Variants in TRIQK observed in about 807,000 individuals in gnomAD.
TRIQK encodes triple QxxK/R motif containing.
A neutral mutation model predicts 10.8 loss-of-function variants in TRIQK; 10 were observed. The ratio of observed to expected loss-of-function variants is 0.92; its 90% CI spans 0.57 to 1.57. The LOEUF is 1.57. Ranked by LOEUF, TRIQK falls within the 40% of genes most tolerant of loss-of-function variation. TRIQK has a pLI of 0.00. For missense variants in TRIQK, 107 were observed against 97.7 expected (o/e 1.09, Z -0.40); for synonymous variants, 33 against 33.7 (o/e 0.98, Z 0.07).
At chr8:92,986,291 T>C (rs1199341512) in intron 1 of TRIQK, among the ~76,000 whole-genome samples, 3 of 152,186 alleles carry the variant, frequency 2.0e-5, no homozygotes, top group Non-Finnish European at 4.4e-5. Context: ...TATTATCTTG[T>C]TTCATATTGT....
chr8:92,959,827 C>T (rs139979392), intron 1 of TRIQK, among the ~76,000 whole-genome samples: 2 of 152,146 alleles, frequency 1.3e-5, no homozygotes, highest in East Asian at 1.9e-4. Context: ...AAATCAGGGA[C>T]GGACTGTATA....
At chr8:92,965,666 C>G (rs1226429571) in intron 1 of TRIQK, 2 of 152,442 alleles carry the variant, frequency 1.3e-5, no homozygotes, top group African/African-American at 4.8e-5. Flanking sequence ...CAGCGGCTGG[C>G]GCCAGACACG....
intron 1 of TRIQK, among the ~76,000 whole-genome samples, chr8:92,978,346 G>C (rs1812953120): frequency 6.6e-6 from 1 of 152,092 alleles, no homozygotes; most frequent in Non-Finnish European, 1.5e-5. Flanking sequence ...CATGATACTT[G>C]ATGCCCAGTG....
intron 2 of TRIQK, among the ~76,000 whole-genome samples, chr8:92,935,849 A>G (rs1810962137): frequency 6.6e-6 from 1 of 151,606 alleles, no homozygotes; most frequent in East Asian, 1.9e-4. Context: ...CATTTCTTAA[A>G]AAACAGACTT....
chr8:92,976,631 T>A (rs987473162), intron 1 of TRIQK, among the ~76,000 whole-genome samples: 1 of 152,010 alleles, frequency 6.6e-6, no homozygotes, highest in Non-Finnish European at 1.5e-5. Flanking sequence ...CCATTTATGT[T>A]ACTGTGATTG....
At chr8:92,977,359 T>C (rs749000042) in intron 1 of TRIQK, among the ~76,000 whole-genome samples, 178 of 152,124 alleles carry the variant, frequency 1.2e-3, no homozygotes, top group Non-Finnish European at 1.9e-3. Context: ...TTCATACTTT[T>C]CTCTTTTTTT....
At chr8:92,963,293 C>G (rs1812550493) in intron 1 of TRIQK, among the ~76,000 whole-genome samples, 1 of 152,074 alleles carries the variant, frequency 6.6e-6, no homozygotes, top group African/African-American at 2.4e-5. Context: ...ATATCTACTA[C>G]TGATATCCAC....
At chr8:92,979,521 A>C (rs938622218) in intron 1 of TRIQK, among the ~76,000 whole-genome samples, 1 of 152,080 alleles carries the variant, frequency 6.6e-6, no homozygotes, top group Non-Finnish European at 1.5e-5. Flanking sequence ...AAAAAATCTT[A>C]GTGGTATATG....
chr8:92,973,246 C>T (rs965626781), intron 1 of TRIQK: 2 of 152,166 alleles, frequency 1.3e-5, no homozygotes, highest in Non-Finnish European at 2.9e-5. Context: ...CATATATGAG[C>T]TATGAAATAT....
At chr8:92,909,612 C>T (rs1033977993) in intron 3 of TRIQK, among the ~76,000 whole-genome samples, 1 of 151,744 alleles carries the variant, frequency 6.6e-6, no homozygotes, top group African/African-American at 2.4e-5. Flanking sequence ...CATCATTTAA[C>T]ACCACATTAA....
chr8:93,001,265 C>G (rs1813208281), intron 1 of TRIQK, among the ~76,000 whole-genome samples: 1 of 150,848 alleles, frequency 6.6e-6, no homozygotes. Context: ...TGAGATTGCA[C>G]CACTGCACCC....
intron 1 of TRIQK, chr8:92,964,862 T>C (rs990788549): frequency 3.3e-5 from 5 of 152,296 alleles, no homozygotes; most frequent in Admixed American, 3.3e-4. Flanking sequence ...GACAAACATT[T>C]CTTAACCATG....
intron 1 of TRIQK, among the ~76,000 whole-genome samples, chr8:92,960,070 T>G (rs780302519): frequency 1.1e-4 from 17 of 152,172 alleles, no homozygotes; most frequent in Admixed American, 2.0e-4. Context: ...TAAGTTGTCA[T>G]GCCTTACATA....
chr8:93,003,949 C>T (rs780781580), intron 1 of TRIQK, among the ~76,000 whole-genome samples: 1 of 152,214 alleles, frequency 6.6e-6, no homozygotes, highest in African/African-American at 2.4e-5. Context: ...AGCTCTCTCC[C>T]TGTGGCTTGC....
intron 1 of TRIQK, chr8:92,973,434 G>A (rs1028220016): frequency 4.6e-5 from 7 of 152,196 alleles, no homozygotes; most frequent in African/African-American, 1.7e-4. Context: ...TAACTTCAGA[G>A]AGACTTTGGA....
At chr8:92,888,845 C>G (rs571959955) in intron 4 of TRIQK, among the ~76,000 whole-genome samples, 3 of 151,456 alleles carry the variant, frequency 2.0e-5, no homozygotes, top group Non-Finnish European at 4.4e-5. Context: ...TCATATAAAC[C>G]TTTTAAATAA....
chr8:93,011,509 A>G (rs1356414130), intron 1 of TRIQK, among the ~76,000 whole-genome samples: 5 of 152,124 alleles, frequency 3.3e-5, no homozygotes, highest in Admixed American at 3.3e-4. Flanking sequence ...TTTAGCTTAC[A>G]CACAACTTAT....
At chr8:93,004,686 GC>G (rs1191558403) in intron 1 of TRIQK, among the ~76,000 whole-genome samples, 1 of 152,140 alleles carries the variant, frequency 6.6e-6, no homozygotes, top group African/African-American at 2.4e-5. Context: ...TTTAGAAGTA[GC>G]CAGGCCACAA....
chr8:93,003,854 T>TA (rs1457976870), intron 1 of TRIQK, among the ~76,000 whole-genome samples: 1 of 152,180 alleles, frequency 6.6e-6, no homozygotes, highest in Non-Finnish European at 1.5e-5. Context: ...CATTAAATCT[T>TA]AAAGCTTCAA....
Sources: allele counts gnomAD v4.1 joint callset (sites outside exome capture counted in the v4.1 genomes callset), GRCh38; gene constraint gnomAD v4.1.1; transcripts MANE v1.5; gene names NCBI Gene and HGNC (gene_info 2026-07-23, HGNC 2026-07-21).